SPOCK2: variants seen among roughly 807,000 people sequenced by gnomAD.
SPOCK2 encodes SPARC (osteonectin), cwcv and kazal like domains proteoglycan 2.
In SPOCK2, 39 loss-of-function variants were observed where a neutral mutation model predicts 60.1. That is an observed-to-expected ratio of 0.65 (90% CI 0.50 to 0.85). The LOEUF (loss-of-function observed/expected upper bound fraction) is 0.85, where lower values mean the gene tolerates loss of function less well. Among genes scored for constraint, SPOCK2 ranks in the 40% least tolerant of loss-of-function variants. The pLI is 0.00. For synonymous variants in SPOCK2, 217 were observed against 231.5 expected, an observed-to-expected ratio of 0.94 and a Z score of 0.57; for missense variants, 523 against 567.4, an observed-to-expected ratio of 0.92 and a Z score of 0.80.
At chr10:72,075,639 C>T (rs1456805811) in intron 1 of SPOCK2, among the ~76,000 whole-genome samples, 1 of 152,216 alleles carries the variant, frequency 6.6e-6, no homozygotes, top group Non-Finnish European at 1.5e-5. Context: ...GGGCTTTCCC[C>T]AGCTGCTCCA....
chr10:72,074,741 T>G (rs1339478370), intron 1 of SPOCK2, among the ~76,000 whole-genome samples: 3 of 152,184 alleles, frequency 2.0e-5, no homozygotes, highest in Admixed American at 1.3e-4. Flanking sequence ...GACCGCAGAC[T>G]GCTCCCGTGA....
intron 8 of SPOCK2, among the ~76,000 whole-genome samples, 178 bp from the exon 9 acceptor site, chr10:72,064,418 G>A (rs577251030): frequency 6.6e-6 from 1 of 152,272 alleles, no homozygotes. Context: ...GCACGAAAAC[G>A]CTCACTCTCT....
intron 1 of SPOCK2, among the ~76,000 whole-genome samples, chr10:72,082,399 G>A (rs893962348): frequency 5.3e-5 from 8 of 152,224 alleles, no homozygotes; most frequent in South Asian, 2.1e-4. Context: ...AAGGAGACGC[G>A]CAGAGACGGG....
At chr10:72,072,602 G>C (rs1168129033) in intron 2 of SPOCK2, 54 bp from the exon 3 acceptor site, 4 of 1,611,394 alleles carry the variant, frequency 2.5e-6, no homozygotes. Context: ...CCATATCCCA[G>C]AGGTTCAACT....
intron 1 of SPOCK2, among the ~76,000 whole-genome samples, chr10:72,075,463 C>T (rs140500790): frequency 0.016 from 2,401 of 152,270 alleles, 51 homozygotes; most frequent in Non-Finnish European, 0.018. Flanking sequence ...CCCCTGGCAC[C>T]GGCTCACTCC....
intron 1 of SPOCK2, chr10:72,086,482 G>A (rs1840856032): frequency 9.4e-7 from 1 of 1,067,840 alleles, no homozygotes; most frequent in Non-Finnish European, 1.1e-6. Flanking sequence ...AGATCAAACA[G>A]CCAGCGAGTC....
In SPOCK2 at chr10:72,067,689, C is replaced by T. The variant is rs1840589250; in HGVS notation, c.633G>A (p.Leu211=). The change falls in exon 7 of 11, where the codon CTG becomes CTA. Residue 211 remains leucine (L), a synonymous_variant. Coordinates refer to ENST00000373109, the MANE Select transcript of SPOCK2 (RefSeq NM_001244950.2). ...GQDLADLGDR[L]RDWFQLLHEN... is the part of the protein sequence containing the mutation. ...CATGAAGGAGCTGGAACCAGTCCCG[C>T]AGCCGATCTCCCAGGTCAGCCAGGT... 6.2e-7 allele frequency: 1 copy of T among 1,613,852 alleles called. No homozygotes were observed. The highest frequency in any genetic ancestry group is 1.1e-5 in the South Asian group (1 of 91,068).
At position 72,070,321 on chromosome 10, in the gene SPOCK2, G is replaced by T; in HGVS notation, c.465C>A (p.Tyr155Ter). Residue 155 changes from tyrosine to a stop codon, truncating the protein, a stop_gained, in exon 5 of 11, where the codon TAC (tyrosine) becomes TAA (stop). Coordinates refer to ENST00000373109, the MANE Select transcript of SPOCK2 (RefSeq NM_001244950.2). LOFTEE classifies it high-confidence loss of function. ...ASVCGSDGHT[Y>*]SSVCKLEQQA... is the part of the protein sequence containing the mutation. ...GGCCTGGGCTCCTCACCACAGAGCTGTAAGTGTGGCCATCTGAGCCGCAGA... is the reference window on the plus strand; with the variant it reads ...GGCCTGGGCTCCTCACCACAGAGCTTTAAGTGTGGCCATCTGAGCCGCAGA... The T allele has an allele frequency of 6.2e-7, 1 of 1,614,138 alleles. No individual in the cohort carries two copies. The highest frequency in any genetic ancestry group is 1.1e-5 in the South Asian group (1 of 91,074).
At chr10:72,083,411 G>A (rs1159908033) in intron 1 of SPOCK2, among the ~76,000 whole-genome samples, 1 of 152,228 alleles carries the variant, frequency 6.6e-6, no homozygotes, top group East Asian at 1.9e-4. Flanking sequence ...AAGGTGAAGT[G>A]GCTGCTGCAA....
At chr10:72,070,212 C>A in intron 5 of SPOCK2, 100 bp downstream of exon 5, 1 of 1,180,680 alleles carries the variant, frequency 8.5e-7, no homozygotes, top group Non-Finnish European at 1.2e-6. Flanking sequence ...CCACCTCAGT[C>A]CTGGAAACCC....
At chr10:72,067,214 C>G in intron 7 of SPOCK2, 94 bp from the exon 8 acceptor site, 2 of 1,290,388 alleles carry the variant, frequency 1.5e-6, no homozygotes, top group Non-Finnish European at 2.1e-6. Context: ...CCCCAGCCCT[C>G]TATTCTGGGT....
At chr10:72,064,496 G>A (rs966881524) in intron 8 of SPOCK2, among the ~76,000 whole-genome samples, 1 of 152,162 alleles carries the variant, frequency 6.6e-6, no homozygotes, top group Non-Finnish European at 1.5e-5. Context: ...GGACCCATGA[G>A]AGGAGTAACA....
At chr10:72,069,572 C>G (rs1840617493) in intron 5 of SPOCK2, among the ~76,000 whole-genome samples, 1 of 151,846 alleles carries the variant, frequency 6.6e-6, no homozygotes, top group African/African-American at 2.4e-5. Context: ...TGGCATCCCC[C>G]TCAGCCTCTC....
At chr10:72,063,235 G>C (rs1329475543) in intron 9 of SPOCK2, 73 bp from the exon 10 acceptor site, 24 of 1,537,380 alleles carry the variant, frequency 1.6e-5, no homozygotes, top group Non-Finnish European at 1.8e-5. Context: ...GTGACCTCAG[G>C]TCCTCATGCA....
At chr10:72,063,652 G>A (rs570268564) in intron 9 of SPOCK2, among the ~76,000 whole-genome samples, 1 of 152,216 alleles carries the variant, frequency 6.6e-6, no homozygotes, top group South Asian at 2.1e-4. Context: ...AGGTCACACT[G>A]CTAGTTCTGT....
chr10:72,066,031 C>T (rs963941310), intron 8 of SPOCK2, among the ~76,000 whole-genome samples: 3 of 152,180 alleles, frequency 2.0e-5, no homozygotes, highest in African/African-American at 7.2e-5. Flanking sequence ...CAGTGAGGAA[C>T]ACCAGGGCTT....
At chr10:72,076,698 C>T (rs1407200581) in intron 1 of SPOCK2, among the ~76,000 whole-genome samples, 1 of 152,194 alleles carries the variant, frequency 6.6e-6, no homozygotes, top group African/African-American at 2.4e-5. Context: ...AGATTATAGG[C>T]GTGAGCCACT....
rs766911485 is a variant in SPOCK2, at chr10:72,067,723, G to A, written c.599C>T (p.Thr200Ile). Residue 200 changes from threonine (T) to isoleucine (I), a missense_variant, in exon 7 of 11, where the codon ACC becomes ATC. Thr to Ile is a moderately conservative substitution (Grantham distance 89, BLOSUM62 -1). Transcript: ENST00000373109. The stretch of plus-strand genomic sequence containing the variant: ...TCCCAGGTCAGCCAGGTCCTGACCG[G>A]TGCAAGTCTCTGCAGAACAGAGAGA... ...STADGKPETC[T>I]GQDLADLGDR... 10 of 1,613,276 alleles carry A rather than the reference G, an allele frequency of 6.2e-6. No homozygotes were observed. The South Asian group carries it at 1.1e-4, about 18-fold the overall frequency.
At chr10:72,072,295 GAGAA>G in intron 3 of SPOCK2, 37 bp from the exon 4 acceptor site, 1 of 1,484,160 alleles carries the variant, frequency 6.7e-7, no homozygotes, top group Non-Finnish European at 9.0e-7. Flanking sequence ...GGTCACCTGG[GAGAA>G]CCCAGGAACC....
Sources: gnomAD v4.1 joint callset for allele counts (sites outside exome capture counted in the v4.1 genomes callset) on GRCh38, gnomAD v4.1.1 for gene constraint, MANE v1.5 for transcripts, NCBI Gene and HGNC (gene_info 2026-07-23, HGNC 2026-07-21) for gene names.